Variants in TBC1D22A observed in about 807,000 individuals in gnomAD.
TBC1D22A encodes the protein TBC1 domain family member 22A, also known as putative GTPase activator.
A neutral mutation model predicts 60.2 loss-of-function variants in TBC1D22A; 38 were observed. That is an observed-to-expected ratio of 0.63 (90% CI 0.49 to 0.83). The LOEUF (loss-of-function observed/expected upper bound fraction) is 0.83, where lower values mean the gene tolerates loss of function less well. Ranked by LOEUF, TBC1D22A falls within the 40% of genes least tolerant of loss-of-function variation. The pLI is 0.00. For synonymous variants in TBC1D22A, 302 were observed against 281.7 expected, an observed-to-expected ratio of 1.07 and a Z score of -0.72; for missense variants, 628 against 701.0, an observed-to-expected ratio of 0.90 and a Z score of 1.18.
At chr22:47,059,944 C>A (rs1285921881) in intron 11 of TBC1D22A, among the ~76,000 whole-genome samples, 1 of 152,136 alleles carries the variant, frequency 6.6e-6, no homozygotes. Flanking sequence ...TTCTCTGTTC[C>A]AGGGTACAGG....
chr22:46,840,963 G>C (rs149386921), intron 4 of TBC1D22A, among the ~76,000 whole-genome samples: 1 of 151,918 alleles, frequency 6.6e-6, no homozygotes, highest in African/African-American at 2.4e-5. Context: ...TTGTACCTTC[G>C]TGTTCATTGC....
At chr22:46,782,014 A>G (rs968539307) in intron 1 of TBC1D22A, among the ~76,000 whole-genome samples, 4 of 152,216 alleles carry the variant, frequency 2.6e-5, no homozygotes, top group African/African-American at 9.6e-5. Flanking sequence ...GATTTACGCT[A>G]CAAACTTGTC....
intron 8 of TBC1D22A, among the ~76,000 whole-genome samples, chr22:46,919,609 G>A (rs1036229710): frequency 2.0e-5 from 3 of 152,108 alleles, no homozygotes; most frequent in South Asian, 2.1e-4. Context: ...GGACCTGCCG[G>A]ACTGCTTTCC....
At chr22:46,985,689 G>T (rs569161366) in intron 9 of TBC1D22A, among the ~76,000 whole-genome samples, 4 of 152,232 alleles carry the variant, frequency 2.6e-5, no homozygotes, top group African/African-American at 9.6e-5. Context: ...TTCTGGTCTT[G>T]GGCTGTTGTG....
intron 8 of TBC1D22A, among the ~76,000 whole-genome samples, chr22:46,923,381 C>T (rs1362003106): frequency 6.6e-6 from 1 of 152,230 alleles, no homozygotes. Context: ...ACTTCAGTTC[C>T]TTGGGGGTGG....
intron 12 of TBC1D22A, among the ~76,000 whole-genome samples, chr22:47,123,782 G>T (rs2066357480): frequency 6.6e-6 from 1 of 152,228 alleles, no homozygotes; most frequent in African/African-American, 2.4e-5. Context: ...AGTAATCTCT[G>T]AAGTGAATTG....
At chr22:47,023,902 T>A (rs1239630526) in intron 10 of TBC1D22A, among the ~76,000 whole-genome samples, 1 of 152,172 alleles carries the variant, frequency 6.6e-6, no homozygotes, top group Non-Finnish European at 1.5e-5. Context: ...GCACAAAGAT[T>A]GAGGAGTGCC....
chr22:47,063,507 A>G (rs2063652296), intron 11 of TBC1D22A, among the ~76,000 whole-genome samples: 1 of 152,126 alleles, frequency 6.6e-6, no homozygotes, highest in Admixed American at 6.5e-5. Flanking sequence ...ATTGTGGTAC[A>G]AGGCCTGGGT....
chr22:46,930,613 G>A (rs935194916), intron 8 of TBC1D22A, among the ~76,000 whole-genome samples: 4 of 126,298 alleles, frequency 3.2e-5, no homozygotes, highest in Non-Finnish European at 4.9e-5. Context: ...CCACCACCAC[G>A]CCTGGCTAAT....
At chr22:47,105,262 C>T (rs2147693832) in intron 11 of TBC1D22A, among the ~76,000 whole-genome samples, 1 of 152,184 alleles carries the variant, frequency 6.6e-6, no homozygotes, top group East Asian at 1.9e-4. Flanking sequence ...AGGGCAGAGC[C>T]TCCTCTTTCC....
intron 4 of TBC1D22A, among the ~76,000 whole-genome samples, chr22:46,864,472 C>T (rs1164658680): frequency 6.6e-6 from 1 of 152,208 alleles, no homozygotes; most frequent in Non-Finnish European, 1.5e-5. Flanking sequence ...TGAAATCTGC[C>T]AAAGGCTGGA....
intron 9 of TBC1D22A, among the ~76,000 whole-genome samples, chr22:46,992,609 A>G (rs973624512): frequency 3.9e-5 from 6 of 152,256 alleles, no homozygotes; most frequent in Non-Finnish European, 7.3e-5. Flanking sequence ...CTTCGCACAC[A>G]TCGATACTCA....
At chr22:47,097,063 G>T (rs1446437260) in intron 11 of TBC1D22A, among the ~76,000 whole-genome samples, 2 of 62,428 alleles carry the variant, frequency 3.2e-5, no homozygotes, top group African/African-American at 1.8e-4. Context: ...ATCAGTATGG[G>T]CATGGCCACG....
At chr22:46,940,453 AAT>A (rs58629182) in intron 8 of TBC1D22A, among the ~76,000 whole-genome samples, 72 of 142,428 alleles carry the variant, frequency 5.1e-4, no homozygotes, top group Admixed American at 3.5e-4. Flanking sequence ...GGGGCACTAG[AAT>A]ATATATATAT....
chr22:46,832,449 G>T (rs1438974630), intron 4 of TBC1D22A, among the ~76,000 whole-genome samples: 2 of 152,216 alleles, frequency 1.3e-5, no homozygotes, highest in African/African-American at 4.8e-5. Flanking sequence ...AGGAGTTCGA[G>T]ACAAGCCTGG....
intron 11 of TBC1D22A, among the ~76,000 whole-genome samples, chr22:47,102,346 T>G (rs2065452600): frequency 6.6e-6 from 1 of 152,070 alleles, no homozygotes; most frequent in Admixed American, 6.6e-5. Flanking sequence ...CGCCACAGCC[T>G]CCTCCTGCTT....
At chr22:46,767,108 C>G (rs962952511) in intron 1 of TBC1D22A, among the ~76,000 whole-genome samples, 1 of 152,164 alleles carries the variant, frequency 6.6e-6, no homozygotes, top group African/African-American at 2.4e-5. Context: ...GGTAGACCCT[C>G]GGTTTATGCA....
intron 10 of TBC1D22A, among the ~76,000 whole-genome samples, chr22:47,029,301 C>T (rs1327231667): frequency 1.3e-5 from 2 of 151,778 alleles, no homozygotes; most frequent in Non-Finnish European, 2.9e-5. Context: ...TACCCCTTCC[C>T]GTGGGGCCCG....
chr22:46,997,564 GCCTTTTTC>G, intron 9 of TBC1D22A, 62 bp from the exon 10 acceptor site: 1 of 1,261,356 alleles, frequency 7.9e-7, no homozygotes, highest in Non-Finnish European at 1.1e-6. Context: ...TATCCCAGCT[GCCTTTTTC>G]CCTTTTGGAA....
Sources: gnomAD v4.1 joint callset for allele counts (sites outside exome capture counted in the v4.1 genomes callset) on GRCh38, gnomAD v4.1.1 for gene constraint, MANE v1.5 for transcripts, NCBI Gene and HGNC (gene_info 2026-07-23, HGNC 2026-07-21) for gene names.